The following MUC12 variants were observed in gnomAD, a reference collection of about 807,000 sequenced individuals.
The protein encoded by MUC12 is mucin 12, cell surface associated, also known as mucin-12.
In MUC12, 172 loss-of-function variants were observed where a neutral mutation model predicts 230.8. The observed-to-expected ratio is 0.75, with a 90% CI of 0.66 to 0.85. The LOEUF (loss-of-function observed/expected upper bound fraction) is 0.85, where lower values mean the gene tolerates loss of function less well. MUC12 is among the 40% of genes least tolerant of loss of function. The pLI, the probability that MUC12 is intolerant of heterozygous loss-of-function variation, is 0.00. For missense variants in MUC12, 3,506 were observed against 5,920.6 expected (o/e 0.59, Z 13.38); for synonymous variants, 1,259 against 2,401.9 (o/e 0.52, Z 13.91).
chr7:101,015,509 G>A (rs980602070), intron 9 of MUC12, 106 bp from the exon 10 acceptor site: 30 of 864,870 alleles, frequency 3.5e-5, no homozygotes, highest in Non-Finnish European at 4.8e-5. Flanking sequence ...TCTCTGACTC[G>A]GGGTGTGGCT....
chr7:100,988,139 A>C (rs1793222705), intron 1 of MUC12, among the ~76,000 whole-genome samples: 1 of 151,460 alleles, frequency 6.6e-6, no homozygotes, highest in African/African-American at 2.4e-5. Flanking sequence ...CTCTACTAAA[A>C]ATACAAAAAT....
In MUC12 at chr7:100,995,680, C is replaced by G. The variant is rs1423420857; in HGVS notation, c.5117C>G (p.Thr1706Arg). ...KDTMPAPPTTTSAFVELSTTS... is the reference protein window; with the variant it reads ...KDTMPAPPTTRSAFVELSTTS... ...ACTATGCCTGCACCTCCTACTACCA[C>G]ATCAGCCTTTGTTGAGCTATCTACA... The change falls in exon 2 of 12, where the codon ACA (threonine) becomes AGA (arginine). Residue 1706 changes from threonine (T) to arginine (R), a missense_variant. Physicochemically the swap from Thr to Arg is moderately conservative, Grantham distance 71 (BLOSUM62 -1). Transcript: ENST00000536621. 3 of 1,537,272 alleles carry G rather than the reference C, an allele frequency of 2.0e-6. No individual in the cohort carries two copies. The highest frequency in any genetic ancestry group is 2.6e-6 in the Non-Finnish European group (3 of 1,147,056).
At chr7:100,985,236 T>G (rs180766710) in intron 1 of MUC12, among the ~76,000 whole-genome samples, 82 of 152,064 alleles carry the variant, frequency 5.4e-4, no homozygotes, top group South Asian at 2.1e-3. Context: ...TGCAAAGGGA[T>G]GAAATCACAG....
Position 101,004,801 on chromosome 7 carries a change from A to G in MUC12, c.14238A>G (p.Arg4746=), listed in dbSNP as rs1285539879. Residue 4746 remains arginine, a synonymous_variant, in exon 2 of 12, where the codon AGA becomes AGG. Coordinates refer to ENST00000536621, the MANE Select transcript of MUC12 (RefSeq NM_001164462.2). ...AKSTILYSSS[R]SPDQTLSPAS... ...CTACCATCCTTTACAGTAGCTCCAG[A>G]TCACCAGACCAAACACTCTCACCTG... is the stretch of plus-strand genomic sequence containing the variant. 2.0e-6 allele frequency: 3 copies of G among 1,537,648 alleles called. No individual in the cohort carries two copies. Among genetic ancestry groups the G allele is most frequent in the Middle Eastern group, 1.7e-4 (1 of 5,990 alleles).
At chr7:100,979,117 T>C (rs1163010545) in intron 1 of MUC12, among the ~76,000 whole-genome samples, 6 of 152,170 alleles carry the variant, frequency 3.9e-5, no homozygotes. Context: ...ACCTTAATCT[T>C]TTTAAAGAAA....
intron 9 of MUC12, chr7:101,015,354 T>C (rs1342148874): frequency 8.1e-6 from 4 of 492,584 alleles, no homozygotes; most frequent in Admixed American, 3.6e-5. Context: ...TGAAGGGAGC[T>C]ACCCTACGCC....
chr7:100,995,936 A>G lies in MUC12; in HGVS notation c.5373A>G (p.Ser1791=). Residue 1791 remains serine, a synonymous_variant, in exon 2 of 12, where the codon TCA becomes TCG. Transcript: ENST00000536621. ...TMHFPESSTA[S]GRSEESRTSH... ...ACTTCCCTGAAAGCTCCACAGCTTC[A>G]GGTCGTAGTGAAGAATCAAGAACTT... 2 of 1,203,854 alleles carry G rather than the reference A, an allele frequency of 1.7e-6. No homozygotes were observed. The highest frequency in any genetic ancestry group is 2.3e-6 in the Non-Finnish European group (2 of 884,112). The allele number at this position is 1,203,854 out of a possible 1,614,324, so 74.6% of individuals were successfully genotyped here. A position where few individuals can be genotyped will look rare whatever the true frequency, so the allele number is the denominator to read the frequency against.
At chr7:101,010,765 T>C (rs1315068257) in intron 5 of MUC12, among the ~76,000 whole-genome samples, 1 of 152,168 alleles carries the variant, frequency 6.6e-6, no homozygotes, top group Non-Finnish European at 1.5e-5. Context: ...TCCGCCCGCC[T>C]TGGCCTCCAA....
intron 8 of MUC12, 63 bp downstream of exon 8, chr7:101,013,205 G>C (rs1462929826): frequency 6.6e-7 from 1 of 1,516,574 alleles, no homozygotes; most frequent in African/African-American, 1.4e-5. Context: ...CCCCTCCCCA[G>C]CAGTCACCCA....
At chr7:100,985,399 G>A (rs879256969) in intron 1 of MUC12, among the ~76,000 whole-genome samples, 11 of 152,168 alleles carry the variant, frequency 7.2e-5, no homozygotes, top group Non-Finnish European at 1.0e-4. Context: ...GCAGTTTAGG[G>A]AGGGTCAAAA....
chr7:100,977,533 G>A (rs1385746478), intron 1 of MUC12, among the ~76,000 whole-genome samples: 1 of 151,832 alleles, frequency 6.6e-6, no homozygotes, highest in Non-Finnish European at 1.5e-5. Flanking sequence ...GCCCGGCTAA[G>A]TTTTGTATTT....
chr7:100,973,223 C>T (rs1234885520), intron 1 of MUC12, among the ~76,000 whole-genome samples: 2 of 139,530 alleles, frequency 1.4e-5, no homozygotes, highest in East Asian at 4.1e-4. Flanking sequence ...GCTGAGAACC[C>T]AACTCCCCTG....
chr7:100,986,982 A>C, intron 1 of MUC12, among the ~76,000 whole-genome samples: 1 of 151,732 alleles, frequency 6.6e-6, no homozygotes. Context: ...GGAAAATGGA[A>C]TCCTACACGT....
intron 1 of MUC12, among the ~76,000 whole-genome samples, chr7:100,970,555 G>GAAGA (rs927557248): frequency 3.3e-4 from 50 of 151,534 alleles, no homozygotes; most frequent in South Asian, 1.7e-3. Context: ...AAAAAGAAAG[G>GAAGA]AAGAAAGAAA....
chr7:100,989,953 A>G (rs1793253180), intron 1 of MUC12, among the ~76,000 whole-genome samples: 1 of 152,202 alleles, frequency 6.6e-6, no homozygotes, highest in Non-Finnish European at 1.5e-5. Context: ...TCGGCCTCCC[A>G]AAGTGTTGGG....
rs368924871 is a variant in MUC12 at position 101,013,110 on chromosome 7, A to G, written c.15606A>G (p.Thr5202=). Reference sequence around the variant, plus strand: ...CGCAAATGAACTGTAACCTGGGCACATGTCAGCTGCAACGCAGTGGCCCCC... The same window carrying G: ...CGCAAATGAACTGTAACCTGGGCACGTGTCAGCTGCAACGCAGTGGCCCCC... ...TKSQMNCNLG[T]CQLQRSGPRC... The change falls in exon 8 of 12, where the codon ACA becomes ACG. Residue 5202 remains threonine, a synonymous_variant. Transcript: ENST00000536621. The G allele has an allele frequency of 1.3e-6, 2 of 1,537,188 alleles. No individual in the cohort carries two copies. Among genetic ancestry groups the G allele is most frequent in the Non-Finnish European group, 1.7e-6 (2 of 1,146,934 alleles).
chr7:100,980,750 C>T (rs899830439), intron 1 of MUC12, among the ~76,000 whole-genome samples: 5 of 151,998 alleles, frequency 3.3e-5, no homozygotes, highest in African/African-American at 1.2e-4. Context: ...TAGTGAGACC[C>T]CATCTCTACA....
intron 1 of MUC12, among the ~76,000 whole-genome samples, chr7:100,979,189 A>G (rs1793070093): frequency 6.6e-6 from 1 of 152,222 alleles, no homozygotes; most frequent in Non-Finnish European, 1.5e-5. Flanking sequence ...AAAGGACTCA[A>G]CTTAATTCAT....
At chr7:101,010,734 C>T (rs547018204) in intron 5 of MUC12, among the ~76,000 whole-genome samples, 1 of 152,060 alleles carries the variant, frequency 6.6e-6, no homozygotes, top group Non-Finnish European at 1.5e-5. Context: ...AGGCTGGTCT[C>T]GAACTCCTGA....
Sources: gnomAD v4.1 joint callset for allele counts (sites outside exome capture counted in the v4.1 genomes callset) on GRCh38, gnomAD v4.1.1 for gene constraint, MANE v1.5 for transcripts, NCBI Gene and HGNC (gene_info 2026-07-23, HGNC 2026-07-21) for gene names.